IFT81: variants seen among roughly 807,000 people sequenced by gnomAD.
IFT81 encodes intraflagellar transport 81, also known as intraflagellar transport protein 81 homolog.
In IFT81, 72 loss-of-function variants were observed where a neutral mutation model predicts 102.6. That is an observed-to-expected ratio of 0.70 (90% CI 0.58 to 0.85). IFT81 has a LOEUF of 0.85. Ranked by LOEUF, IFT81 falls within the 40% of genes least tolerant of loss-of-function variation. The probability of loss-of-function intolerance (pLI) is 0.00; values close to 1 mark genes in which losing one functional copy is unlikely to be tolerated. For synonymous variants in IFT81, 237 were observed against 242.7 expected, an observed-to-expected ratio of 0.98 and a Z score of 0.22; for missense variants, 723 against 787.3, an observed-to-expected ratio of 0.92 and a Z score of 0.98.
At chr12:110,216,697 T>C (rs1259545759) in intron 18 of IFT81, 1 of 428,424 alleles carries the variant, frequency 2.3e-6, no homozygotes, top group African/African-American at 2.0e-5. Context: ...TTCATATTTT[T>C]GTATTTTTAG....
chr12:110,135,160 A>G (rs2137319371), intron 6 of IFT81, 147 bp downstream of exon 6: 1 of 750,026 alleles, frequency 1.3e-6, no homozygotes, highest in Non-Finnish European at 2.2e-6. Flanking sequence ...ATCTCTCTAG[A>G]CAGTAGCCCA....
intron 10 of IFT81, among the ~76,000 whole-genome samples, chr12:110,154,490 G>T (rs1003659231): frequency 1.3e-5 from 2 of 151,578 alleles, no homozygotes; most frequent in African/African-American, 2.4e-5. Context: ...AATTAGCCGG[G>T]CATGATGGTG....
At chr12:110,153,140 C>G (rs1489317555) in intron 10 of IFT81, among the ~76,000 whole-genome samples, 1 of 152,202 alleles carries the variant, frequency 6.6e-6, no homozygotes, top group African/African-American at 2.4e-5. Context: ...ATGCTGTTCC[C>G]TAACAGTAAT....
chr12:110,143,202 T>C (rs1894999083), intron 8 of IFT81, among the ~76,000 whole-genome samples, 180 bp from the exon 9 acceptor site: 1 of 152,172 alleles, frequency 6.6e-6, no homozygotes, highest in African/African-American at 2.4e-5. Context: ...TGTTTCTTCA[T>C]TTTCATTGTA....
intron 14 of IFT81, among the ~76,000 whole-genome samples, chr12:110,202,018 G>T (rs746168029): frequency 6.6e-6 from 1 of 152,166 alleles, no homozygotes; most frequent in Non-Finnish European, 1.5e-5. Context: ...ATATAGCATA[G>T]TAAATACATA....
intron 11 of IFT81, among the ~76,000 whole-genome samples, chr12:110,166,856 C>A (rs1441189187): frequency 6.6e-6 from 1 of 151,644 alleles, no homozygotes; most frequent in South Asian, 2.1e-4. Context: ...TATATGACAG[C>A]CATTTGTTTG....
At chr12:110,203,457 A>G (rs562086386) in intron 14 of IFT81, 24 of 178,560 alleles carry the variant, frequency 1.3e-4, no homozygotes, top group East Asian at 4.5e-4. Flanking sequence ...TTAGATATCA[A>G]TTTCTCCAGG....
intron 6 of IFT81, 112 bp downstream of exon 6, chr12:110,135,125 C>T (rs985019048): frequency 7.1e-5 from 61 of 857,112 alleles, no homozygotes; most frequent in South Asian, 2.1e-4. Flanking sequence ...TGAGGATGGA[C>T]TCAAATAACA....
intron 14 of IFT81, among the ~76,000 whole-genome samples, chr12:110,200,916 C>T (rs2137574300): frequency 6.6e-6 from 1 of 151,278 alleles, no homozygotes; most frequent in Non-Finnish European, 1.5e-5. Flanking sequence ...CGCCACTGCA[C>T]TCCAGCCTGG....
In IFT81 at chr12:110,205,448, T is replaced by A; in HGVS notation, c.1650T>A (p.Val550=). ...ESNRSKLEQE[V]RRLREECLQE... ...TCTAAAATTATATATTATAGGAAGT[T>A]AGAAGACTCCGTGAAGAATGTCTTC... Residue 550 remains valine, a synonymous_variant, in exon 16 of 19, where the codon GTT becomes GTA. Coordinates refer to ENST00000242591, the MANE Select transcript of IFT81 (RefSeq NM_014055.4). 1 of 1,597,184 alleles carries A rather than the reference T, an allele frequency of 6.3e-7. No individual in the cohort carries two copies. The highest frequency in any genetic ancestry group is 8.5e-7 in the Non-Finnish European group (1 of 1,174,594).
At chr12:110,135,055 C>T in intron 6 of IFT81, 42 bp downstream of exon 6, 4 of 1,381,496 alleles carry the variant, frequency 2.9e-6, no homozygotes, top group Non-Finnish European at 4.0e-6. Context: ...CCCCAAGTCC[C>T]AAGGACTTGC....
chr12:110,160,760 A>C (rs1035335889), intron 10 of IFT81, among the ~76,000 whole-genome samples: 1 of 152,094 alleles, frequency 6.6e-6, no homozygotes, highest in Non-Finnish European at 1.5e-5. Flanking sequence ...TTCTTTCCTT[A>C]TGTCTTCCGA....
intron 12 of IFT81, among the ~76,000 whole-genome samples, chr12:110,185,442 G>A (rs142680607): frequency 0.014 from 2,141 of 151,722 alleles, 25 homozygotes; most frequent in Middle Eastern, 0.027. Flanking sequence ...TGCCCACCTC[G>A]GCCTCCCAAA....
intron 7 of IFT81, among the ~76,000 whole-genome samples, chr12:110,135,985 C>G (rs1010312012): frequency 1.3e-5 from 2 of 151,790 alleles, no homozygotes; most frequent in African/African-American, 4.8e-5. Context: ...TCGTGTTGTT[C>G]CAACATTACA....
chr12:110,158,193 C>T (rs1028123496), intron 10 of IFT81, among the ~76,000 whole-genome samples: 1 of 152,066 alleles, frequency 6.6e-6, no homozygotes, highest in Non-Finnish European at 1.5e-5. Context: ...GCCTCAGCCT[C>T]CTGAGTAGCT....
chr12:110,177,444 A>G (rs61940949), intron 11 of IFT81, among the ~76,000 whole-genome samples: 65,687 of 151,816 alleles, frequency 0.43, 15,544 homozygotes, highest in African/African-American at 0.61. Flanking sequence ...CACCACGCCC[A>G]GCTTATTTTT....
At position 110,170,085 on chromosome 12, in the gene IFT81, T is replaced by TG. The variant is rs574946749; in HGVS notation, c.1188+7023dup. ...CTCCTGCCTCAGCCTCCCGAGTAGCTGGGACTACAGGTGCCCGCCACCATG... is the reference window on the plus strand; with the variant it reads ...CTCCTGCCTCAGCCTCCCGAGTAGCTGGGGACTACAGGTGCCCGCCACCATG... On this transcript the variant is annotated intron_variant, in intron 11 of 18. Transcript: ENST00000242591. Among the ~76,000 whole-genome samples the TG allele has an allele frequency of 9.9e-5, 15 of 152,210 alleles. No individual in the cohort carries two copies. The South Asian group carries it at 2.9e-3, about 29-fold the overall frequency.
intron 14 of IFT81, among the ~76,000 whole-genome samples, chr12:110,196,293 T>A (rs1308308936): frequency 1.3e-5 from 2 of 151,760 alleles, no homozygotes; most frequent in Non-Finnish European, 2.9e-5. Context: ...CGAAGGCGGG[T>A]GGATCACTTG....
intron 11 of IFT81, among the ~76,000 whole-genome samples, chr12:110,174,290 A>T (rs978653111): frequency 1.3e-4 from 19 of 148,302 alleles, no homozygotes; most frequent in South Asian, 4.3e-4. Context: ...AAAAAAAAAA[A>T]AAAAAAAAAA....
Sources: gnomAD v4.1 joint callset for allele counts (sites outside exome capture counted in the v4.1 genomes callset) on GRCh38, gnomAD v4.1.1 for gene constraint, MANE v1.5 for transcripts, NCBI Gene and HGNC (gene_info 2026-07-23, HGNC 2026-07-21) for gene names.